The following C8orf34 variants were observed in gnomAD, a reference collection of about 807,000 sequenced individuals.
C8orf34 encodes the protein uncharacterized protein C8orf34.
C8orf34 carries 65 observed loss-of-function variants against 68.3 expected under a neutral mutation model. The observed-to-expected ratio is 0.95, with a 90% CI of 0.78 to 1.17. The LOEUF (loss-of-function observed/expected upper bound fraction) is 1.17. Among genes scored for constraint, C8orf34 ranks in the 50% most tolerant of loss-of-function variants. The pLI is 0.00. For missense variants in C8orf34, 664 were observed against 655.4 expected, an observed-to-expected ratio of 1.01 and a Z score of -0.14; for synonymous variants, 244 against 241.2, an observed-to-expected ratio of 1.01 and a Z score of -0.11.
intron 3 of C8orf34, among the ~76,000 whole-genome samples, chr8:68,458,147 A>G (rs1811631611): frequency 6.6e-6 from 1 of 152,224 alleles, no homozygotes; most frequent in Non-Finnish European, 1.5e-5. Context: ...ACAAGCTACA[A>G]AAACATCAAA....
chr8:68,549,371 T>C (rs2130030008), intron 7 of C8orf34, among the ~76,000 whole-genome samples: 1 of 151,888 alleles, frequency 6.6e-6, no homozygotes, highest in African/African-American at 2.4e-5. Flanking sequence ...AATTTAATCA[T>C]AAGAAATTTA....
intron 10 of C8orf34, among the ~76,000 whole-genome samples, chr8:68,744,207 G>C (rs571286587): frequency 1.3e-5 from 2 of 152,028 alleles, no homozygotes; most frequent in South Asian, 4.1e-4. Flanking sequence ...CAAACAGAAA[G>C]GACATCCACA....
Position 68,813,187 on chromosome 8 carries a change from A to G in C8orf34, c.1550-2699A>G, listed in dbSNP as rs546003671. ...GGCCACTCTCTTATTTGTTTTCCCC[A>G]TCAAAGCTGCTTCATTTCTTACATT... On this transcript the variant is annotated intron_variant, in intron 12 of 13. Transcript: ENST00000518698. Among the ~76,000 whole-genome samples, 44 of 152,244 alleles carry G rather than the reference A, an allele frequency of 2.9e-4. No individual in the cohort carries two copies. In the South Asian group the frequency reaches 4.3e-3, roughly 15 times the overall value.
intron 4 of C8orf34, among the ~76,000 whole-genome samples, chr8:68,482,980 T>C (rs1192096929): frequency 1.1e-5 from 1 of 90,976 alleles, no homozygotes; most frequent in Non-Finnish European, 2.4e-5. Context: ...TATAATACAA[T>C]TGGCATTTTT....
chr8:68,332,268 G>T (rs1031433678), intron 1 of C8orf34, among the ~76,000 whole-genome samples: 12 of 152,154 alleles, frequency 7.9e-5, no homozygotes, highest in Non-Finnish European at 1.6e-4. Flanking sequence ...AGAAGTGGAG[G>T]CCCTTGCGGA....
intron 10 of C8orf34, among the ~76,000 whole-genome samples, chr8:68,768,676 A>G (rs1823251804): frequency 6.6e-6 from 1 of 152,214 alleles, no homozygotes; most frequent in Non-Finnish European, 1.5e-5. Flanking sequence ...GATACTGAAA[A>G]CAAATTATTT....
At chr8:68,786,481 T>A (rs1823849839) in intron 11 of C8orf34, among the ~76,000 whole-genome samples, 1 of 152,204 alleles carries the variant, frequency 6.6e-6, no homozygotes. Flanking sequence ...TTACATGGTA[T>A]GATTCTATTG....
At chr8:68,431,451 C>T (rs1810448828) in intron 1 of C8orf34, among the ~76,000 whole-genome samples, 3 of 152,238 alleles carry the variant, frequency 2.0e-5, no homozygotes, top group African/African-American at 7.2e-5. Flanking sequence ...CTATATTGTA[C>T]TCCTACAGAG....
chr8:68,435,192 A>T (rs1006565458), intron 1 of C8orf34, among the ~76,000 whole-genome samples: 7 of 148,426 alleles, frequency 4.7e-5, no homozygotes, highest in African/African-American at 1.7e-4. Context: ...AATATATAAT[A>T]AAAATATATA....
intron 1 of C8orf34, among the ~76,000 whole-genome samples, chr8:68,426,518 C>CAAAAAAAA (rs753578060): frequency 6.1e-4 from 18 of 29,608 alleles, no homozygotes; most frequent in Non-Finnish European, 8.1e-4. Flanking sequence ...GACCTTGTCT[C>CAAAAAAAA]AAAAAAAAAA....
intron 7 of C8orf34, among the ~76,000 whole-genome samples, chr8:68,595,120 T>C (rs906922933): frequency 1.5e-5 from 2 of 133,460 alleles, no homozygotes; most frequent in Non-Finnish European, 3.2e-5. Context: ...TTAAAAATGG[T>C]AAAAAAAAAA....
intron 3 of C8orf34, among the ~76,000 whole-genome samples, chr8:68,461,066 C>G (rs1446918112): frequency 1.3e-5 from 2 of 152,138 alleles, no homozygotes; most frequent in Non-Finnish European, 2.9e-5. Flanking sequence ...GAATGTATAA[C>G]TAGAATAACC....
At chr8:68,694,714 T>C (rs1820777623) in intron 8 of C8orf34, among the ~76,000 whole-genome samples, 1 of 152,044 alleles carries the variant, frequency 6.6e-6, no homozygotes, top group Non-Finnish European at 1.5e-5. Context: ...TATCCACATC[T>C]GGGGGCTTCT....
chr8:68,721,395 G>C lies in C8orf34; in HGVS notation c.1362G>C (p.Glu454Asp). 1 of 1,609,590 alleles carries C rather than the reference G, an allele frequency of 6.2e-7. No individual in the cohort carries two copies. The highest frequency in any genetic ancestry group is 1.7e-5 in the Admixed American group (1 of 59,900). Residue 454 changes from glutamate to aspartate, a missense_variant, in exon 10 of 14, where the codon GAG becomes GAC. Physicochemically the swap from Glu to Asp is conservative, Grantham distance 45 (BLOSUM62 2). Transcript: ENST00000518698. ...SLPGTEEALM[E>D]EGDEFEKASK... ...CTGGGACTGAAGAAGCACTAATGGA[G>C]GAGGGTGACGAATTTGAGAAAGCAT...
intron 10 of C8orf34, among the ~76,000 whole-genome samples, chr8:68,775,278 G>A (rs1823483252): frequency 6.6e-6 from 1 of 151,962 alleles, no homozygotes; most frequent in Admixed American, 6.6e-5. Context: ...ACAAATGTAA[G>A]CTTTTAGCAC....
chr8:68,602,702 T>A (rs1415382222), intron 7 of C8orf34, among the ~76,000 whole-genome samples: 1 of 152,156 alleles, frequency 6.6e-6, no homozygotes, highest in African/African-American at 2.4e-5. Context: ...TTATTAAGTC[T>A]AATTGCTGCC....
rs74617040 is a variant in C8orf34 at position 68,417,035 on chromosome 8, T to C, written c.328-22464T>C. Among the ~76,000 whole-genome samples the C allele has an allele frequency of 6.8e-3, 1,042 of 152,274 alleles. 36 individuals carry two copies. The East Asian group carries it at 0.11, about 15-fold the overall frequency. On this transcript the variant is annotated intron_variant, in intron 1 of 13. Coordinates refer to ENST00000518698, the MANE Select transcript of C8orf34 (RefSeq NM_052958.4). The stretch of plus-strand genomic sequence containing the variant: ...TTAGGTATTATATGGGTTGAGCTTC[T>C]CTCTTGATAAAAATGACCCATGATT...
chr8:68,491,936 C>T (rs1274136725), intron 5 of C8orf34, among the ~76,000 whole-genome samples: 1 of 152,144 alleles, frequency 6.6e-6, no homozygotes, highest in East Asian at 1.9e-4. Context: ...ATGATTGGTG[C>T]CTGCCCAGTT....
intron 1 of C8orf34, among the ~76,000 whole-genome samples, chr8:68,410,836 C>T (rs181096675): frequency 2.6e-5 from 4 of 152,308 alleles, no homozygotes; most frequent in Non-Finnish European, 4.4e-5. Flanking sequence ...AACAGCACCC[C>T]TTCCTAGAGG....
Sources: gnomAD v4.1 joint callset for allele counts (sites outside exome capture counted in the v4.1 genomes callset) on GRCh38, gnomAD v4.1.1 for gene constraint, MANE v1.5 for transcripts, NCBI Gene and HGNC (gene_info 2026-07-23, HGNC 2026-07-21) for gene names.